SAMD5: variants seen among roughly 807,000 people sequenced by gnomAD.
SAMD5 encodes the protein sterile alpha motif domain-containing protein 5.
In SAMD5, 13 loss-of-function variants were observed where a neutral mutation model predicts 11.3. The observed-to-expected ratio is 1.15, with a 90% CI of 0.75 to 1.83. The LOEUF is 1.83. Among genes scored for constraint, SAMD5 ranks in the 40% most tolerant of loss-of-function variants. The pLI is 0.00. For synonymous variants in SAMD5, 129 were observed against 111.3 expected (o/e 1.16, Z -1.00); for missense variants, 255 against 239.1 (o/e 1.07, Z -0.44).
the SAMD5 span, among the ~76,000 whole-genome samples, chr6:147,823,492 AG>A: frequency 6.6e-6 from 1 of 152,250 alleles, no homozygotes; most frequent in Admixed American, 6.5e-5. Flanking sequence ...TTTAAATGCC[AG>A]GAACAGAACC....
intron 1 of SAMD5, among the ~76,000 whole-genome samples, chr6:147,657,008 G>T (rs776462532): frequency 6.6e-6 from 1 of 151,774 alleles, no homozygotes; most frequent in Non-Finnish European, 1.5e-5. Context: ...GAATGTCCAA[G>T]CATAGAGACC....
At chr6:147,716,192 C>T (rs751832609) in intron 1 of SAMD5, among the ~76,000 whole-genome samples, 5 of 152,192 alleles carry the variant, frequency 3.3e-5, no homozygotes, top group South Asian at 2.1e-4. Flanking sequence ...ACCTCGGCCT[C>T]CTTCCTGTGC....
chr6:147,593,095 C>T (rs11966012), intron 1 of SAMD5, among the ~76,000 whole-genome samples: 17,425 of 152,062 alleles, frequency 0.11, 1,203 homozygotes, highest in East Asian at 0.29. Context: ...AGGGAAGCGG[C>T]TTTATTCGAT....
At chr6:147,873,650 A>G in the SAMD5 span, among the ~76,000 whole-genome samples, 1 of 152,310 alleles carries the variant, frequency 6.6e-6, no homozygotes, top group South Asian at 2.1e-4. Flanking sequence ...ATTTATTAAA[A>G]GTATAAATTT....
chr6:147,629,308 T>A (rs1390501446), intron 1 of SAMD5, among the ~76,000 whole-genome samples: 3 of 127,988 alleles, frequency 2.3e-5, no homozygotes, highest in Non-Finnish European at 5.5e-5. Flanking sequence ...CAAAGCTCCA[T>A]CCAAAAAATA....
intron 1 of SAMD5, among the ~76,000 whole-genome samples, chr6:147,649,676 A>G (rs1039084835): frequency 6.6e-6 from 1 of 151,944 alleles, no homozygotes; most frequent in Non-Finnish European, 1.5e-5. Flanking sequence ...CTGTAGTCCT[A>G]CCTACTCTGG....
the SAMD5 span, among the ~76,000 whole-genome samples, chr6:147,751,496 A>G: frequency 6.6e-6 from 1 of 152,222 alleles, no homozygotes; most frequent in Non-Finnish European, 1.5e-5. Context: ...CAGATTCACT[A>G]AGAGTTTACA....
At chr6:147,639,051 T>C (rs1790272838) in intron 1 of SAMD5, among the ~76,000 whole-genome samples, 1 of 152,228 alleles carries the variant, frequency 6.6e-6, no homozygotes, top group Non-Finnish European at 1.5e-5. Context: ...GTGCTATCTA[T>C]TGTGATTCTA....
chr6:147,877,889 A>ACAC, the SAMD5 span, among the ~76,000 whole-genome samples: 144 of 76,688 alleles, frequency 1.9e-3, no homozygotes, highest in African/African-American at 5.6e-3. Context: ...CACGATAGAT[A>ACAC]GATAGCTAGA....
chr6:147,551,132 G>A (rs1457339101), intron 1 of SAMD5, among the ~76,000 whole-genome samples: 1 of 152,164 alleles, frequency 6.6e-6, no homozygotes, highest in African/African-American at 2.4e-5. Context: ...CAGCGCCCTG[G>A]GGCACAGTTC....
At chr6:147,608,099 C>G (rs1789729391) in intron 1 of SAMD5, among the ~76,000 whole-genome samples, 1 of 152,032 alleles carries the variant, frequency 6.6e-6, no homozygotes, top group Non-Finnish European at 1.5e-5. Flanking sequence ...ATCATCTCAC[C>G]CCAGTTAAAA....
At chr6:147,877,345 TG>T in the SAMD5 span, among the ~76,000 whole-genome samples, 1 of 152,136 alleles carries the variant, frequency 6.6e-6, no homozygotes, top group Non-Finnish European at 1.5e-5. Flanking sequence ...AGATAATCCT[TG>T]TATATTTTTC....
chr6:147,589,900 C>G (rs111641427), intron 1 of SAMD5, among the ~76,000 whole-genome samples: 3,166 of 152,228 alleles, frequency 0.021, 108 homozygotes, highest in African/African-American at 0.071. Flanking sequence ...CCTGCCTAAT[C>G]CCAGCAATGA....
At chr6:147,947,635 T>G in the SAMD5 span, 1 of 152,188 alleles carries the variant, frequency 6.6e-6, no homozygotes, top group African/African-American at 2.4e-5. Context: ...TGATATACAC[T>G]GAGAAGGCTG....
intron 1 of SAMD5, among the ~76,000 whole-genome samples, chr6:147,550,233 T>A (rs1035180900): frequency 3.9e-5 from 6 of 152,012 alleles, no homozygotes; most frequent in African/African-American, 1.5e-4. Flanking sequence ...ATGAGACTCT[T>A]GTCTCTCTTA....
the SAMD5 span, among the ~76,000 whole-genome samples, chr6:147,847,468 C>G: frequency 3.3e-5 from 5 of 152,156 alleles, no homozygotes; most frequent in African/African-American, 1.2e-4. Context: ...AATTTGATGT[C>G]AAGGTTCAGC....
At chr6:147,509,444 G>C in intron 1 of SAMD5, 57 bp downstream of exon 1, 1 of 1,448,974 alleles carries the variant, frequency 6.9e-7, no homozygotes, top group Non-Finnish European at 9.2e-7. Flanking sequence ...ACACAGCCCA[G>C]CTGCCTGTGC....
chr6:147,906,107 T>C, the SAMD5 span, among the ~76,000 whole-genome samples: 1 of 152,204 alleles, frequency 6.6e-6, no homozygotes, highest in Non-Finnish European at 1.5e-5. Context: ...TGCCAAATTG[T>C]TTCAGATTTG....
the SAMD5 span, among the ~76,000 whole-genome samples, chr6:147,765,245 G>A: frequency 2.6e-5 from 4 of 151,984 alleles, no homozygotes; most frequent in East Asian, 7.7e-4. Flanking sequence ...ACTCTCCTTT[G>A]TTAGCTCTGT....
Sources: gnomAD v4.1 joint callset for allele counts (sites outside exome capture counted in the v4.1 genomes callset) on GRCh38, gnomAD v4.1.1 for gene constraint, MANE v1.5 for transcripts, NCBI Gene and HGNC (gene_info 2026-07-23, HGNC 2026-07-21) for gene names.